ADCYAP1R1: variants seen among roughly 807,000 people sequenced by gnomAD.
ADCYAP1R1 encodes ADCYAP receptor type I.
ADCYAP1R1 carries 44 observed loss-of-function variants against 67.6 expected under a neutral mutation model. The ratio of observed to expected loss-of-function variants is 0.65; its 90% CI spans 0.51 to 0.84. The LOEUF (loss-of-function observed/expected upper bound fraction) is 0.84. Ranked by LOEUF, ADCYAP1R1 falls within the 40% of genes least tolerant of loss-of-function variation. The probability of loss-of-function intolerance (pLI) is 0.00; values close to 1 mark genes in which losing one functional copy is unlikely to be tolerated. For missense variants in ADCYAP1R1, 477 were observed against 587.9 expected, an observed-to-expected ratio of 0.81 and a Z score of 1.95; for synonymous variants, 222 against 219.6, an observed-to-expected ratio of 1.01 and a Z score of -0.10.
At position 31,092,820 on chromosome 7, in the gene ADCYAP1R1, C is replaced by T. The variant is rs1442414197; in HGVS notation, c.1046+85C>T. 4.2e-6 allele frequency: 4 copies of T among 958,500 alleles called. No individual in the cohort carries two copies. In the East Asian group the frequency reaches 9.8e-5, roughly 23 times the overall value. 59.4% of individuals were successfully genotyped at this position (958,500 alleles called of 1,614,324 possible). ...AGGTCACAGCAGAAGGCGGCCTGGGCTTTGCTGATAGGGTGACCTAGCATC... is the reference window on the plus strand; with the variant it reads ...AGGTCACAGCAGAAGGCGGCCTGGGTTTTGCTGATAGGGTGACCTAGCATC... On this transcript the variant is annotated intron_variant, in intron 13 of 15. Transcript: ENST00000304166.
chr7:31,060,998 T>C (rs1041886374), intron 1 of ADCYAP1R1, among the ~76,000 whole-genome samples: 1 of 152,234 alleles, frequency 6.6e-6, no homozygotes, highest in African/African-American at 2.4e-5. Flanking sequence ...CTGATGACTC[T>C]AGTGGGCAGC....
In ADCYAP1R1 at chr7:31,106,839, G is replaced by A. The variant is rs1796669854; in HGVS notation, c.*155G>A. 1 of 927,422 alleles carries A rather than the reference G, an allele frequency of 1.1e-6. No homozygotes were observed. Among genetic ancestry groups the A allele is most frequent in the East Asian group, 2.8e-5 (1 of 36,198 alleles). 57.4% of individuals were successfully genotyped at this position (927,422 alleles called of 1,614,324 possible). ...GGGAGAAGGAGGCAGGGCACAGACT[G>A]GAATTGTCCCCTCCTTGTTTTGGTA... is the stretch of plus-strand genomic sequence containing the variant. On this transcript the variant is annotated 3_prime_UTR_variant, in exon 16 of 16. Transcript: ENST00000304166.
chr7:31,086,233 A>T lies in ADCYAP1R1; in HGVS notation c.670-151A>T, dbSNP rs184264226. ...TTGACTCAGAATCATGGGATGCTGCAATTTTCAACTCTTTGATCCAGGAAT... is the reference window on the plus strand; with the variant it reads ...TTGACTCAGAATCATGGGATGCTGCTATTTTCAACTCTTTGATCCAGGAAT... On this transcript the variant is annotated intron_variant, in intron 9 of 15. Transcript: ENST00000304166. This position sits in a 1 kb window ranked among gnomAD's most constrained non-coding sequence, Gnocchi z 5.0. 3.1e-4 allele frequency: 270 copies of T among 866,450 alleles called. No homozygotes were observed. The highest frequency in any genetic ancestry group is 4.3e-4 in the Non-Finnish European group (250 of 579,520). 53.7% of individuals were successfully genotyped at this position (866,450 alleles called of 1,614,324 possible).
intron 15 of ADCYAP1R1, among the ~76,000 whole-genome samples, chr7:31,105,187 G>A (rs1796591431): frequency 6.6e-6 from 1 of 152,252 alleles, no homozygotes; most frequent in South Asian, 2.1e-4. Context: ...CGTCGGCTCT[G>A]CTGAGCGCAG....
intron 6 of ADCYAP1R1, among the ~76,000 whole-genome samples, chr7:31,083,290 G>A (rs77035447): frequency 0.11 from 16,248 of 152,150 alleles, 1,665 homozygotes; most frequent in African/African-American, 0.27. Context: ...ATAAACCATC[G>A]GGTGAAGGGA....
intron 12 of ADCYAP1R1, among the ~76,000 whole-genome samples, chr7:31,088,434 C>T (rs1034422724): frequency 1.3e-5 from 2 of 152,148 alleles, no homozygotes; most frequent in Admixed American, 6.5e-5. Context: ...TTTCCCAACC[C>T]AAGACATAAA....
intron 13 of ADCYAP1R1, chr7:31,100,268 C>T: frequency 6.7e-7 from 1 of 1,488,606 alleles, no homozygotes; most frequent in Non-Finnish European, 9.2e-7. Context: ...GGGACGCATG[C>T]TGCCACTGCC....
In ADCYAP1R1 at chr7:31,080,012, G is replaced by A. The variant is rs574263854; in HGVS notation, c.266-601G>A. On this transcript the variant is annotated intron_variant, in intron 4 of 15. Coordinates refer to ENST00000304166, the MANE Select transcript of ADCYAP1R1 (RefSeq NM_001118.5). ...TCCATTCATGTATTTCTTTCGTTCC[G>A]TCATTTATTTAAAGTTTGTTTATTG... Among the ~76,000 whole-genome samples, 9 of 152,272 alleles carry A rather than the reference G, an allele frequency of 5.9e-5. No individual in the cohort carries two copies. In the South Asian group the frequency reaches 8.3e-4, roughly 14 times the overall value.
intron 3 of ADCYAP1R1, among the ~76,000 whole-genome samples, chr7:31,077,442 T>G (rs1006070847): frequency 7.1e-6 from 1 of 140,582 alleles, no homozygotes; most frequent in African/African-American, 2.7e-5. Flanking sequence ...TATGTGTGAT[T>G]GTGTGTGGTG....
rs535658702 is a variant in ADCYAP1R1, at chr7:31,084,629, G to C, written c.439-108G>C. 512 of 878,490 alleles carry C rather than the reference G, an allele frequency of 5.8e-4. 3 individuals are homozygous for C. The African/African-American group carries it at 7.6e-3, about 13-fold the overall frequency. The allele number at this position is 878,490 out of a possible 1,614,324, so 54.4% of individuals were successfully genotyped here. A position where few individuals can be genotyped will look rare whatever the true frequency, so the allele number is the denominator to read the frequency against. ...GCAGAAGAGAGGAAGGAGGAGCTAGGCCTGGAGGTGGGCAGGCCCTGGCCT... is the reference window on the plus strand; with the variant it reads ...GCAGAAGAGAGGAAGGAGGAGCTAGCCCTGGAGGTGGGCAGGCCCTGGCCT... On this transcript the variant is annotated intron_variant, in intron 7 of 15. Transcript: ENST00000304166.
rs184507640 is a variant in ADCYAP1R1 at position 31,106,592 on chromosome 7, G to A, written c.1315G>A (p.Gly439Arg). The A allele has an allele frequency of 1.6e-5, 26 of 1,614,036 alleles. No individual in the cohort carries two copies. The highest frequency in any genetic ancestry group is 2.1e-5 in the Non-Finnish European group (25 of 1,179,912). The change falls in exon 16 of 16, where the codon GGG becomes AGG. Residue 439 changes from glycine to arginine, a missense_variant. Physicochemically the swap from Gly to Arg is moderately radical, Grantham distance 125. Coordinates refer to ENST00000304166, the MANE Select transcript of ADCYAP1R1 (RefSeq NM_001118.5). The part of the protein sequence containing the change: ...KHRHPSLASS[G>R]VNGGTQLSIL... ...CCGACACCCGTCTCTGGCCAGCAGT[G>A]GGGTGAATGGGGGCACCCAGCTCTC...
chr7:31,084,635 A>G, intron 7 of ADCYAP1R1, 102 bp from the exon 8 acceptor site: 2 of 911,322 alleles, frequency 2.2e-6, no homozygotes, highest in South Asian at 2.6e-5. Context: ...CTAGGCCTGG[A>G]GGTGGGCAGG....
chr7:31,095,402 AAGAG>A (rs896775449), intron 13 of ADCYAP1R1, among the ~76,000 whole-genome samples: 22 of 152,300 alleles, frequency 1.4e-4, no homozygotes, highest in African/African-American at 4.3e-4. Flanking sequence ...TTCCTGGAAG[AAGAG>A]GCCCCTGGTG....
chr7:31,097,882 T>C (rs763986776), intron 13 of ADCYAP1R1, among the ~76,000 whole-genome samples: 1 of 152,044 alleles, frequency 6.6e-6, no homozygotes, highest in African/African-American at 2.4e-5. Context: ...TCACTGGCCG[T>C]AGGAGAGAAT....
intron 13 of ADCYAP1R1, among the ~76,000 whole-genome samples, chr7:31,099,534 C>T (rs7786118): frequency 0.11 from 16,577 of 152,152 alleles, 2,432 homozygotes; most frequent in African/African-American, 0.34. Flanking sequence ...TACCTCTGTC[C>T]CCTATGTATG....
In ADCYAP1R1 at chr7:31,074,616, G is replaced by A. The variant is rs548887932; in HGVS notation, c.158-3375G>A. On this transcript the variant is annotated intron_variant, in intron 3 of 15. Transcript: ENST00000304166. ...CCATTAAGGGAACATCTGTTGGCTG[G>A]GGCATGGGCCAGACGCAGCCATGCT... 3.9e-5 allele frequency among the ~76,000 whole-genome samples: 6 copies of A among 152,346 alleles called. No individual in the cohort carries two copies. In the South Asian group the frequency reaches 1.2e-3, roughly 32 times the overall value.
At chr7:31,059,399 A>G (rs749003391) in intron 1 of ADCYAP1R1, among the ~76,000 whole-genome samples, 4 of 152,214 alleles carry the variant, frequency 2.6e-5, no homozygotes, top group Non-Finnish European at 4.4e-5. Flanking sequence ...AAATGCCAGG[A>G]GGTGACTTTA....
intron 3 of ADCYAP1R1, among the ~76,000 whole-genome samples, chr7:31,073,614 G>A (rs776527492): frequency 6.6e-6 from 1 of 152,160 alleles, no homozygotes; most frequent in African/African-American, 2.4e-5. Flanking sequence ...GCTCCAATCC[G>A]CTGAGGCCAG....
intron 13 of ADCYAP1R1, among the ~76,000 whole-genome samples, chr7:31,094,865 T>TC (rs1796125289): frequency 1.1e-5 from 1 of 87,454 alleles, no homozygotes; most frequent in Non-Finnish European, 2.4e-5. Context: ...GCTTCTGGCA[T>TC]TAAAAAAAAA....
Sources: allele counts gnomAD v4.1 joint callset (sites outside exome capture counted in the v4.1 genomes callset), GRCh38; gene constraint gnomAD v4.1.1; non-coding constraint Gnocchi (gnomAD v3.1); transcripts MANE v1.5; gene names NCBI Gene and HGNC (gene_info 2026-07-23, HGNC 2026-07-21).